AP1S3: variants seen among roughly 807,000 people sequenced by gnomAD.
AP1S3 encodes the protein AP-1 complex subunit sigma-3.
A neutral mutation model predicts 20.9 loss-of-function variants in AP1S3; 10 were observed. The ratio of observed to expected loss-of-function variants is 0.48; its 90% CI spans 0.29 to 0.81. AP1S3 has a LOEUF of 0.81. Ranked by LOEUF, AP1S3 falls within the 30% of genes least tolerant of loss-of-function variation. AP1S3 has a pLI of 0.08. For synonymous variants in AP1S3, 41 were observed against 61.5 expected (o/e 0.67, Z 1.56); for missense variants, 154 against 183.8 (o/e 0.84, Z 0.94).
intron 3 of AP1S3, among the ~76,000 whole-genome samples, chr2:223,768,586 G>A (rs1305538807): frequency 3.9e-5 from 6 of 152,300 alleles, no homozygotes; most frequent in African/African-American, 1.4e-4. Flanking sequence ...TGGGCATGGT[G>A]GCTCACGTCT....
intron 4 of AP1S3, among the ~76,000 whole-genome samples, chr2:223,762,041 CG>C: frequency 6.6e-6 from 1 of 152,034 alleles, no homozygotes; most frequent in Middle Eastern, 3.4e-3. Context: ...GGCATGATCT[CG>C]GCTCACTGCA....
chr2:223,765,707 G>C (rs1237603889), intron 3 of AP1S3, among the ~76,000 whole-genome samples: 1 of 152,132 alleles, frequency 6.6e-6, no homozygotes, highest in Admixed American at 6.5e-5. Context: ...CCTGCTCTCT[G>C]CTCTGTAAAT....
intron 1 of AP1S3, among the ~76,000 whole-genome samples, chr2:223,835,740 C>A (rs1385401014): frequency 6.6e-6 from 1 of 152,168 alleles, no homozygotes; most frequent in Non-Finnish European, 1.5e-5. Flanking sequence ...CTGATCAACT[C>A]ATCACACATA....
intron 1 of AP1S3, among the ~76,000 whole-genome samples, chr2:223,781,553 T>C (rs963111827): frequency 2.0e-5 from 3 of 152,018 alleles, no homozygotes; most frequent in African/African-American, 7.2e-5. Flanking sequence ...CTGGGAAACA[T>C]AGCAAGACCC....
chr2:223,806,361 G>A (rs1399680713), intron 1 of AP1S3, among the ~76,000 whole-genome samples: 1 of 142,486 alleles, frequency 7.0e-6, no homozygotes, highest in Non-Finnish European at 1.5e-5. Context: ...TCAGCTCACT[G>A]CAAGCTCCGC....
intron 1 of AP1S3, among the ~76,000 whole-genome samples, chr2:223,829,265 G>T (rs564083355): frequency 1.1e-4 from 17 of 152,276 alleles, no homozygotes; most frequent in African/African-American, 3.9e-4. Context: ...CTAGAAAATG[G>T]GTCAATAAGC....
At chr2:223,766,828 G>T (rs996691762) in intron 3 of AP1S3, among the ~76,000 whole-genome samples, 2 of 152,148 alleles carry the variant, frequency 1.3e-5, no homozygotes, top group African/African-American at 4.8e-5. Flanking sequence ...TGATAGACTG[G>T]ATAAATAAAA....
At chr2:223,807,036 TG>T (rs1180205502) in intron 1 of AP1S3, among the ~76,000 whole-genome samples, 1 of 152,044 alleles carries the variant, frequency 6.6e-6, no homozygotes, top group East Asian at 1.9e-4. Context: ...GAGGCCAAGG[TG>T]GGAGGATTGC....
intron 1 of AP1S3, among the ~76,000 whole-genome samples, chr2:223,827,109 A>G (rs1022449250): frequency 2.0e-5 from 3 of 152,148 alleles, no homozygotes; most frequent in Admixed American, 6.6e-5. Context: ...GCCTTATTGT[A>G]TATTCAAGTC....
chr2:223,836,545 G>A (rs1692399368), intron 1 of AP1S3, among the ~76,000 whole-genome samples: 3 of 152,152 alleles, frequency 2.0e-5, no homozygotes, highest in Admixed American at 2.0e-4. Context: ...TTCGAGACCA[G>A]CCTGGCCAAC....
intron 3 of AP1S3, among the ~76,000 whole-genome samples, chr2:223,775,569 G>A (rs556425828): frequency 5.3e-5 from 8 of 152,258 alleles, no homozygotes; most frequent in South Asian, 2.1e-4. Flanking sequence ...GGCTGGGCAC[G>A]GTAGCTCATG....
chr2:223,785,652 T>C lies in AP1S3; in HGVS notation c.4-7783A>G, dbSNP rs537448542. On this transcript the variant is annotated intron_variant, in intron 1 of 4. Coordinates refer to ENST00000396654, the MANE Select transcript of AP1S3 (RefSeq NM_001039569.2). ...TAAATGCCAAAGTTCTTTCAACAAA[T>C]AAAACTTTAGCTCAAAGAGATGGCA... 2.0e-5 allele frequency among the ~76,000 whole-genome samples: 3 copies of C among 152,272 alleles called. No homozygotes were observed. In the East Asian group the frequency reaches 5.8e-4, roughly 29 times the overall value.
intron 1 of AP1S3, among the ~76,000 whole-genome samples, chr2:223,814,838 A>G (rs1691809075): frequency 6.6e-6 from 1 of 152,200 alleles, no homozygotes; most frequent in Admixed American, 6.5e-5. Context: ...GTACAATGGC[A>G]CGATCACAGC....
At chr2:223,819,439 G>A (rs531068759) in intron 1 of AP1S3, among the ~76,000 whole-genome samples, 66 of 152,018 alleles carry the variant, frequency 4.3e-4, no homozygotes, top group African/African-American at 1.5e-3. Flanking sequence ...ATTTTAATTC[G>A]TTCTTTTAAA....
chr2:223,824,854 T>C (rs1692085566), intron 1 of AP1S3, among the ~76,000 whole-genome samples: 1 of 152,132 alleles, frequency 6.6e-6, no homozygotes, highest in Non-Finnish European at 1.5e-5. Context: ...GGTATTACTA[T>C]TTTTTTAACT....
chr2:223,802,498 T>C (rs1188527808), intron 1 of AP1S3, among the ~76,000 whole-genome samples: 1 of 151,862 alleles, frequency 6.6e-6, no homozygotes, highest in Non-Finnish European at 1.5e-5. Flanking sequence ...AGAGGCAGGG[T>C]TTCACCATGT....
At chr2:223,775,605 C>A (rs1690764997) in intron 3 of AP1S3, among the ~76,000 whole-genome samples, 1 of 152,148 alleles carries the variant, frequency 6.6e-6, no homozygotes, top group Non-Finnish European at 1.5e-5. Flanking sequence ...CTTTGGGAAG[C>A]TGAGGTGGGA....
chr2:223,773,389 A>T (rs760307786), intron 3 of AP1S3: 20 of 1,297,402 alleles, frequency 1.5e-5, no homozygotes, highest in Non-Finnish European at 1.9e-5. Flanking sequence ...AAAATGTGAG[A>T]ATTCATTTGA....
At chr2:223,781,335 A>T in intron 1 of AP1S3, among the ~76,000 whole-genome samples, 1 of 152,162 alleles carries the variant, frequency 6.6e-6, no homozygotes, top group Non-Finnish European at 1.5e-5. Flanking sequence ...AACCAATTTA[A>T]AAACCCTCCT....
Sources: allele counts gnomAD v4.1 joint callset (sites outside exome capture counted in the v4.1 genomes callset), GRCh38; gene constraint gnomAD v4.1.1; transcripts MANE v1.5; gene names NCBI Gene and HGNC (gene_info 2026-07-23, HGNC 2026-07-21).